NDUFA10: variants seen among roughly 807,000 people sequenced by gnomAD.
NDUFA10 encodes NADH dehydrogenase [ubiquinone] 1 alpha subcomplex subunit 10, mitochondrial.
Under a neutral mutation model 47.8 loss-of-function variants are expected in NDUFA10, and 40 were observed. That is an observed-to-expected ratio of 0.84 (90% confidence interval 0.65 to 1.09). The LOEUF (loss-of-function observed/expected upper bound fraction) is 1.09, where lower values mean the gene tolerates loss of function less well. Ranked by LOEUF, NDUFA10 falls within the 50% of genes least tolerant of loss-of-function variation. The pLI, the probability that NDUFA10 is intolerant of heterozygous loss-of-function variation, is 0.00. For missense variants in NDUFA10, 413 were observed against 451.1 expected (o/e 0.92, Z 0.76); for synonymous variants, 183 against 172.2 (o/e 1.06, Z -0.49).
chr2:239,915,398 C>G (rs1205911922), intron 4 of NDUFA10, among the ~76,000 whole-genome samples: 1 of 99,990 alleles, frequency 1.0e-5, no homozygotes, highest in African/African-American at 4.9e-5. Flanking sequence ...CACATACATA[C>G]ACACAGAACA....
chr2:240,018,897 G>A (rs1210121020), intron 3 of NDUFA10, among the ~76,000 whole-genome samples: 2 of 152,116 alleles, frequency 1.3e-5, no homozygotes, highest in African/African-American at 4.8e-5. Context: ...TACAAAAAGT[G>A]CTTGTTTTTA....
At chr2:240,012,961 A>G (rs566588546) in intron 5 of NDUFA10, 1 of 152,334 alleles carries the variant, frequency 6.6e-6, no homozygotes, top group Non-Finnish European at 1.5e-5. Context: ...CAAAAGTATA[A>G]AAGAGGTGAT....
At chr2:239,982,400 T>C (rs77023828) in intron 9 of NDUFA10, among the ~76,000 whole-genome samples, 11,733 of 152,320 alleles carry the variant, frequency 0.077, 537 homozygotes, top group Admixed American at 0.14. Context: ...AAAACAGCAT[T>C]TAATTTTGTT....
At chr2:239,939,843 C>T (rs1159609124) in intron 4 of NDUFA10, among the ~76,000 whole-genome samples, 1 of 152,202 alleles carries the variant, frequency 6.6e-6, no homozygotes, top group African/African-American at 2.4e-5. Flanking sequence ...GTGTGGGAGA[C>T]GAGGGCCACA....
Position 240,025,338 on chromosome 2 carries a change from G to A in NDUFA10, c.-37C>T, listed in dbSNP as rs532866878. ...CAGCTCAGGATCAAGGACCCAAGGG[G>A]ACGCGGTCGCGACGGGGCCCTCTCT... On this transcript the variant is annotated 5_prime_UTR_variant, in exon 1 of 10. Coordinates refer to ENST00000252711, the MANE Select transcript of NDUFA10 (RefSeq NM_004544.4). The A allele has an allele frequency of 1.0e-5, 15 of 1,471,958 alleles. No individual in the cohort carries two copies. In the East Asian group the frequency reaches 2.9e-4, roughly 29 times the overall value. 91.2% of individuals were successfully genotyped at this position (1,471,958 alleles called of 1,614,324 possible). A position where few individuals can be genotyped will look rare whatever the true frequency, so the allele number is the denominator to read the frequency against.
At chr2:239,939,503 C>T (rs1208365644) in intron 4 of NDUFA10, among the ~76,000 whole-genome samples, 1 of 152,258 alleles carries the variant, frequency 6.6e-6, no homozygotes, top group Non-Finnish European at 1.5e-5. Flanking sequence ...CTGCTTTTGC[C>T]ACACTTTTTG....
intron 9 of NDUFA10, among the ~76,000 whole-genome samples, chr2:239,979,560 C>T (rs1203642733): frequency 6.6e-6 from 1 of 151,168 alleles, no homozygotes; most frequent in Non-Finnish European, 1.5e-5. Flanking sequence ...CAAGGAGGGG[C>T]AACAATGCCC....
chr2:240,021,148 G>C, intron 3 of NDUFA10, 49 bp downstream of exon 3: 2 of 1,515,132 alleles, frequency 1.3e-6, no homozygotes, highest in Non-Finnish European at 1.8e-6. Flanking sequence ...TTGAATTCTA[G>C]AATAGTGTTC....
intron 9 of NDUFA10, among the ~76,000 whole-genome samples, chr2:239,984,287 A>G (rs1169091431): frequency 1.3e-5 from 2 of 152,130 alleles, no homozygotes; most frequent in Non-Finnish European, 2.9e-5. Flanking sequence ...TTCATTAATT[A>G]TAACAAGTGT....
Position 240,025,286 on chromosome 2 carries a change from G to A in NDUFA10, c.16C>T (p.Leu6=). Residue 6 remains leucine (L), a synonymous_variant, in exon 1 of 10, where the codon CTG becomes TTG. Coordinates refer to ENST00000252711, the MANE Select transcript of NDUFA10 (RefSeq NM_004544.4). ...GACGCGGACGTCGCTGCCAGCTTCA[G>A]GAGCCGCAAGGCCATGGCTACCCGG... The part of the protein sequence containing the change: MALRL[L]KLAATSASAR... 1.3e-6 allele frequency: 2 copies of A among 1,505,742 alleles called. No homozygotes were observed. Among genetic ancestry groups the A allele is most frequent in the Non-Finnish European group, 1.8e-6 (2 of 1,130,996 alleles). The allele number at this position is 1,505,742 out of a possible 1,614,324, so 93.3% of individuals were successfully genotyped here. A position where few individuals can be genotyped will look rare whatever the true frequency, so the allele number is the denominator to read the frequency against.
intron 8 of NDUFA10, among the ~76,000 whole-genome samples, chr2:239,997,340 G>A (rs1574864869): frequency 6.6e-6 from 1 of 151,790 alleles, no homozygotes; most frequent in African/African-American, 2.4e-5. Flanking sequence ...AATATGAAGG[G>A]AAAATTCACA....
At chr2:239,908,475 A>G (rs1281152524) in intron 4 of NDUFA10, among the ~76,000 whole-genome samples, 2 of 152,142 alleles carry the variant, frequency 1.3e-5, no homozygotes, top group Non-Finnish European at 2.9e-5. Context: ...CAGACTTGAG[A>G]GTCAGGGCCC....
intron 4 of NDUFA10, among the ~76,000 whole-genome samples, chr2:239,915,210 TACACAG>T (rs1252739903): frequency 7.9e-6 from 1 of 125,996 alleles, no homozygotes; most frequent in Non-Finnish European, 1.7e-5. Context: ...GACACACAAA[TACACAG>T]ACACAGAGAG....
At chr2:240,011,798 T>G in intron 5 of NDUFA10, 102 bp from the exon 6 acceptor site, 1 of 1,035,200 alleles carries the variant, frequency 9.7e-7, no homozygotes, top group Non-Finnish European at 1.5e-6. Flanking sequence ...CACCATTTTC[T>G]TACAACTCAC....
In NDUFA10 at chr2:240,016,285, G is replaced by C. The variant is rs541939885; in HGVS notation, c.548-1425C>G. Among the ~76,000 whole-genome samples, 4 of 152,114 alleles carry C rather than the reference G, an allele frequency of 2.6e-5. No individual in the cohort carries two copies. The highest frequency in any genetic ancestry group is 4.8e-5 in the African/African-American group (2 of 41,416). On this transcript the variant is annotated intron_variant, in intron 4 of 9. Transcript: ENST00000252711. This position sits in a 1 kb window ranked among gnomAD's most constrained non-coding sequence, Gnocchi z 4.4. ...AGCCAGGCAGAGCACACGGGACCTC[G>C]GGTCTGCTTCCTGACTGCTGGACCG... is the stretch of plus-strand genomic sequence containing the variant.
rs1559322336 is a variant in NDUFA10, at chr2:239,962,241, C to CACACA, written c.1000-1056_1000-1055insTGTGT. ...CACACACACACACACACACACACAC[C>CACACA]CCTTCCAAATTCTGCCCTTAAGAAC... On this transcript the variant is annotated intron_variant, in intron 9 of 9. Coordinates refer to ENST00000252711, the MANE Select transcript of NDUFA10 (RefSeq NM_004544.4). 1.1e-4 allele frequency among the ~76,000 whole-genome samples: 13 copies of CACACA among 123,382 alleles called. No individual in the cohort carries two copies. The South Asian group carries it at 1.5e-3, about 14-fold the overall frequency. 80.9% of individuals were successfully genotyped at this position (123,382 alleles called of 152,430 possible).
intron 9 of NDUFA10, among the ~76,000 whole-genome samples, chr2:239,982,827 T>C (rs1250848848): frequency 1.3e-5 from 2 of 152,226 alleles, no homozygotes; most frequent in Non-Finnish European, 2.9e-5. Context: ...TAGGGTTTGA[T>C]TTTTAACGTG....
At chr2:239,915,655 CAG>C (rs1253162023) in intron 4 of NDUFA10, among the ~76,000 whole-genome samples, 2 of 150,404 alleles carry the variant, frequency 1.3e-5, no homozygotes, top group South Asian at 2.1e-4. Context: ...CAGAGACACA[CAG>C]AGATGCACAC....
At chr2:240,000,010 C>G (rs1463315048) in intron 8 of NDUFA10, among the ~76,000 whole-genome samples, 2 of 152,240 alleles carry the variant, frequency 1.3e-5, no homozygotes, top group Non-Finnish European at 2.9e-5. Flanking sequence ...ACTCCCGTGT[C>G]TGCGGTGATG....
Sources: gnomAD v4.1 joint callset for allele counts (sites outside exome capture counted in the v4.1 genomes callset) on GRCh38, gnomAD v4.1.1 for gene constraint, Gnocchi (gnomAD v3.1) non-coding constraint, MANE v1.5 for transcripts, NCBI Gene and HGNC (gene_info 2026-07-23, HGNC 2026-07-21) for gene names.